The following SF3B4 variants were observed in gnomAD, a reference collection of about 807,000 sequenced individuals.
SF3B4 encodes the protein SAP 49.
Under a neutral mutation model 34.3 loss-of-function variants are expected in SF3B4, and 3 were observed. That is an observed-to-expected ratio of 0.09 (90% confidence interval 0.04 to 0.23). The LOEUF is 0.23. Among genes scored for constraint, SF3B4 ranks in the 10% least tolerant of loss-of-function variants. The probability of loss-of-function intolerance (pLI) is 1.00; values close to 1 mark genes in which losing one functional copy is unlikely to be tolerated. For missense variants in SF3B4, 283 were observed against 567.2 expected (o/e 0.50, Z 5.09); for synonymous variants, 216 against 207.8 (o/e 1.04, Z -0.34).
At position 149,926,819 on chromosome 1, in the gene SF3B4, T is replaced by C; in HGVS notation, c.263A>G (p.Lys88Arg). The C allele has an allele frequency of 1.9e-6, 3 of 1,614,176 alleles. No homozygotes were observed. The highest frequency in any genetic ancestry group is 2.5e-6 in the Non-Finnish European group (3 of 1,180,020). ...KLYGKPIRVNKASAHNKNLDV... is the reference protein window; with the variant it reads ...KLYGKPIRVNRASAHNKNLDV... ...CAGGTTTTTGTTGTGAGCTGATGCT[T>C]TGTTCACCCGTATTGGCTTCCCATA... Residue 88 changes from lysine to arginine, a missense_variant, in exon 3 of 6, where the codon AAA (lysine) becomes AGA (arginine). Transcript: ENST00000271628. This position sits in a 1 kb window ranked among gnomAD's most constrained non-coding sequence, Gnocchi z 6.2.
At position 149,927,176 on chromosome 1, in the gene SF3B4, G is replaced by A. The variant is rs1553766146; in HGVS notation, c.153C>T (p.Gly51=). ...TTGTCATGTACTCACCTTGGTGCTG[G>A]CCAGTGACTCTATCCTTTGGCATGT... is the stretch of plus-strand genomic sequence containing the variant. ...NTHMPKDRVT[G]QHQGYGFVEF... The change falls in exon 2 of 6, where the codon GGC becomes GGT. Residue 51 remains glycine (G), a synonymous_variant. Transcript: ENST00000271628. The A allele has an allele frequency of 2.5e-6, 4 of 1,613,626 alleles. No homozygotes were observed. Among genetic ancestry groups the A allele is most frequent in the African/African-American group, 2.7e-5 (2 of 74,914 alleles).
chr1:149,923,844 T>C lies in SF3B4; in HGVS notation c.1084A>G (p.Met362Val). 5.0e-6 allele frequency: 8 copies of C among 1,594,430 alleles called. No homozygotes were observed. The highest frequency in any genetic ancestry group is 6.0e-6 in the Non-Finnish European group (7 of 1,173,834). Residue 362 changes from methionine to valine, a missense_variant, in exon 5 of 6, where the codon ATG becomes GTG. Physicochemically the swap from Met to Val is conservative, Grantham distance 21. Coordinates refer to ENST00000271628, the MANE Select transcript of SF3B4 (RefSeq NM_005850.5). ...GAGGTGGCTAGAGCCGACTTACCCA[T>C]GGGAGATCCGAATGGAGGCCCTCGG... ...PPRGPPFGSP[M>V]GHPGPMPPHG...
At position 149,926,441 on chromosome 1, in the gene SF3B4, G is replaced by A; in HGVS notation, c.641C>T (p.Ala214Val). The A allele has an allele frequency of 6.2e-7, 1 of 1,614,134 alleles. No homozygotes were observed. The highest frequency in any genetic ancestry group is 8.5e-7 in the Non-Finnish European group (1 of 1,179,964). Residue 214 changes from alanine (A) to valine (V), a missense_variant, in exon 3 of 6, where the codon GCA becomes GTA. By Grantham distance (64) the Ala-to-Val change is moderately conservative. Around this residue, in one of 4 missense-constraint regions of SF3B4, gnomAD observed 35 missense variants for 111.9 expected, o/e 0.31. Coordinates refer to ENST00000271628, the MANE Select transcript of SF3B4 (RefSeq NM_005850.5). This position sits in a 1 kb window ranked among gnomAD's most constrained non-coding sequence, Gnocchi z 6.2. Reference sequence around the variant, plus strand: ...ATTGGGAGCAGAGGGTGGAGGAGGTGCATCTGCAAACAGCTGATGAGGGCG... The same window carrying A: ...ATTGGGAGCAGAGGGTGGAGGAGGTACATCTGCAAACAGCTGATGAGGGCG... ...ADRPHQLFAD[A>V]PPPPSAPNPV...
At position 149,927,204 on chromosome 1, in the gene SF3B4, G is replaced by T. The variant is rs1559799161; in HGVS notation, c.125C>A (p.Thr42Asn). The T allele has an allele frequency of 6.2e-7, 1 of 1,614,148 alleles. No homozygotes were observed. The highest frequency in any genetic ancestry group is 8.5e-7 in the Non-Finnish European group (1 of 1,180,040). The change falls in exon 2 of 6, where the codon ACC becomes AAC. Residue 42 changes from threonine to asparagine, a missense_variant. Physicochemically the swap from Thr to Asn is moderately conservative, Grantham distance 65. This residue lies in a region of SF3B4 where 39 missense variants were observed against 127.3 expected (regional missense o/e 0.31). Coordinates refer to ENST00000271628, the MANE Select transcript of SF3B4 (RefSeq NM_005850.5). ...AGTGACTCTATCCTTTGGCATGTGG[G>T]TGTTGACTACTGGTCCAGCCTGGAG... ...LFLQAGPVVN[T>N]HMPKDRVTGQ...
Position 149,926,272 on chromosome 1 carries a change from T to C in SF3B4, c.706+104A>G. 1.9e-6 allele frequency: 2 copies of C among 1,040,166 alleles called. No individual in the cohort carries two copies. Among genetic ancestry groups the C allele is most frequent in the Non-Finnish European group, 2.8e-6 (2 of 715,118 alleles). 64.4% of individuals were successfully genotyped at this position (1,040,166 alleles called of 1,614,324 possible). A position where few individuals can be genotyped will look rare whatever the true frequency, so the allele number is the denominator to read the frequency against. ...ACCCCTCAGTCCTCTTCCCATCAACTCACTGACTCAATGTCCCCTGTCCCC... is the reference window on the plus strand; with the variant it reads ...ACCCCTCAGTCCTCTTCCCATCAACCCACTGACTCAATGTCCCCTGTCCCC... On this transcript the variant is annotated intron_variant, in intron 3 of 5. Coordinates refer to ENST00000271628, the MANE Select transcript of SF3B4 (RefSeq NM_005850.5). The surrounding 1 kb of genome is among the most constrained non-coding windows in gnomAD (Gnocchi z 6.2).
At position 149,923,534 on chromosome 1, in the gene SF3B4, A is replaced by G; in HGVS notation, c.*8T>C. The G allele has an allele frequency of 1.3e-6, 2 of 1,572,552 alleles. No individual in the cohort carries two copies. The highest frequency in any genetic ancestry group is 8.6e-7 in the Non-Finnish European group (1 of 1,165,062). ...GGAAAATGTAACAGGAGGAAGGAAA[A>G]TGTGAATTTACTGAGGGAGAGGGCC... On this transcript the variant is annotated 3_prime_UTR_variant, in exon 6 of 6. Coordinates refer to ENST00000271628, the MANE Select transcript of SF3B4 (RefSeq NM_005850.5).
chr1:149,925,774 T>C, intron 4 of SF3B4, 62 bp downstream of exon 4: 1 of 1,216,436 alleles, frequency 8.2e-7, no homozygotes, highest in Non-Finnish European at 1.2e-6. Flanking sequence ...GGCAGCAGGG[T>C]GAGTGGTAAC....
At chr1:149,927,599 A>T in intron 1 of SF3B4, 127 bp downstream of exon 1, 1 of 1,268,104 alleles carries the variant, frequency 7.9e-7, no homozygotes, top group Non-Finnish European at 1.1e-6. Flanking sequence ...CAACAGGCAG[A>T]GGGCCGGTCT....
At chr1:149,927,703 C>T in intron 1 of SF3B4, 23 bp downstream of exon 1, 1 of 1,552,394 alleles carries the variant, frequency 6.4e-7, no homozygotes, top group Non-Finnish European at 8.7e-7. Context: ...TGAGCCCATT[C>T]CAGACTTTCC....
At chr1:149,925,404 G>A (rs1024406333) in intron 4 of SF3B4, among the ~76,000 whole-genome samples, 8 of 152,098 alleles carry the variant, frequency 5.3e-5, no homozygotes, top group African/African-American at 1.2e-4. Context: ...AGTCTATCAC[G>A]GTAGCTGAGA....
rs782627121 is a variant in SF3B4, at chr1:149,923,614, G to C, written c.1203C>G (p.Leu401=). The change falls in exon 6 of 6, where the codon CTC becomes CTG. Residue 401 remains leucine, a synonymous_variant. Transcript: ENST00000271628. ...GCCGGGGAGTGGGTCTGGGTGGAGG[G>C]AGAGGCCCCCGCTGGTAGCCATAGG... ...PPPYGYQRGP[L]PPPRPTPRPP... The C allele has an allele frequency of 3.5e-5, 54 of 1,543,120 alleles. No individual in the cohort carries two copies. Among genetic ancestry groups the C allele is most frequent in the Middle Eastern group, 3.4e-4 (2 of 5,836 alleles).
chr1:149,924,240 G>A (rs1219527604), intron 4 of SF3B4, among the ~76,000 whole-genome samples: 1 of 152,128 alleles, frequency 6.6e-6, no homozygotes, highest in East Asian at 1.9e-4. Context: ...TTCAAGAACA[G>A]CCTGGGCAAC....
chr1:149,926,135 G>A lies in SF3B4; in HGVS notation c.707-93C>T. ...CTGATCTGGCCTCTCCAGGCAGGGT[G>A]AGCTCTTTCCCCCTCCTCCCAGTGC... On this transcript the variant is annotated intron_variant, in intron 3 of 5. Coordinates refer to ENST00000271628, the MANE Select transcript of SF3B4 (RefSeq NM_005850.5). The surrounding 1 kb of genome is among the most constrained non-coding windows in gnomAD (Gnocchi z 6.2). The A allele has an allele frequency of 1.4e-6, 1 of 716,370 alleles. No individual in the cohort carries two copies. The highest frequency in any genetic ancestry group is 2.1e-5 in the South Asian group (1 of 48,684). The allele number at this position is 716,370 out of a possible 1,614,324, so 44.4% of individuals were successfully genotyped here.
At position 149,923,537 on chromosome 1, in the gene SF3B4, T is replaced by C; in HGVS notation, c.*5A>G. Reference sequence around the variant, plus strand: ...AAATGTAACAGGAGGAAGGAAAATGTGAATTTACTGAGGGAGAGGGCCTCG... The same window carrying C: ...AAATGTAACAGGAGGAAGGAAAATGCGAATTTACTGAGGGAGAGGGCCTCG... On this transcript the variant is annotated 3_prime_UTR_variant, in exon 6 of 6. Coordinates refer to ENST00000271628, the MANE Select transcript of SF3B4 (RefSeq NM_005850.5). 6.4e-7 allele frequency: 1 copy of C among 1,571,362 alleles called. No homozygotes were observed. Among genetic ancestry groups the C allele is most frequent in the Non-Finnish European group, 8.6e-7 (1 of 1,164,918 alleles).
Position 149,926,419 on chromosome 1 carries a change from G to A in SF3B4, c.663C>T (p.Pro221=). ...FADAPPPPSA[P]NPVVSSLGSG... The stretch of plus-strand genomic sequence containing the variant: ...ACCCCAATGATGATACCACAGGATT[G>A]GGAGCAGAGGGTGGAGGAGGTGCAT... The change falls in exon 3 of 6, where the codon CCC becomes CCT. Residue 221 remains proline, a synonymous_variant. Transcript: ENST00000271628. The surrounding 1 kb of genome is among the most constrained non-coding windows in gnomAD (Gnocchi z 6.2). 1 of 1,613,874 alleles carries A rather than the reference G, an allele frequency of 6.2e-7. No individual in the cohort carries two copies. Among genetic ancestry groups the A allele is most frequent in the Non-Finnish European group, 8.5e-7 (1 of 1,179,800 alleles).
chr1:149,924,823 T>C (rs1214918104), intron 4 of SF3B4, among the ~76,000 whole-genome samples: 1 of 152,064 alleles, frequency 6.6e-6, no homozygotes, highest in Non-Finnish European at 1.5e-5. Flanking sequence ...AGGAGCAAAA[T>C]GCAGTTATAG....
chr1:149,926,281 C>A lies in SF3B4; in HGVS notation c.706+95G>T. ...TCCTCTTCCCATCAACTCACTGACT[C>A]AATGTCCCCTGTCCCCCTTTCAGAC... On this transcript the variant is annotated intron_variant, in intron 3 of 5. Coordinates refer to ENST00000271628, the MANE Select transcript of SF3B4 (RefSeq NM_005850.5). This position sits in a 1 kb window ranked among gnomAD's most constrained non-coding sequence, Gnocchi z 6.2. 1.8e-6 allele frequency: 2 copies of A among 1,130,108 alleles called. No individual in the cohort carries two copies. The highest frequency in any genetic ancestry group is 3.1e-5 in the South Asian group (2 of 64,116). The allele number at this position is 1,130,108 out of a possible 1,614,324, so 70.0% of individuals were successfully genotyped here.
intron 4 of SF3B4, among the ~76,000 whole-genome samples, chr1:149,924,340 G>A (rs1458907780): frequency 2.0e-5 from 3 of 152,102 alleles, no homozygotes; most frequent in African/African-American, 7.2e-5. Context: ...AGGAGGCTGA[G>A]GTGGGAGGAT....
In SF3B4 at chr1:149,926,172, A is replaced by G. The variant is rs587661900; in HGVS notation, c.707-130T>C. The G allele has an allele frequency of 1.0e-5, 7 of 698,860 alleles. No individual in the cohort carries two copies. In the South Asian group the frequency reaches 1.2e-4, roughly 12 times the overall value. 43.3% of individuals were successfully genotyped at this position (698,860 alleles called of 1,614,324 possible). ...CCTCCTCCCAGTGCTCTAAAATCAA[A>G]AGCAATGTTAGAAAAGTCAACCAAC... On this transcript the variant is annotated intron_variant, in intron 3 of 5. Coordinates refer to ENST00000271628, the MANE Select transcript of SF3B4 (RefSeq NM_005850.5). This position sits in a 1 kb window ranked among gnomAD's most constrained non-coding sequence, Gnocchi z 6.2.
Sources: gnomAD v4.1 joint callset for allele counts (sites outside exome capture counted in the v4.1 genomes callset) on GRCh38, gnomAD v4.1.1 for gene constraint, gnomAD v4.1.1 regional missense constraint, Gnocchi (gnomAD v3.1) non-coding constraint, MANE v1.5 for transcripts, NCBI Gene and HGNC (gene_info 2026-07-23, HGNC 2026-07-21) for gene names.